The following ROBO2 variants were observed in gnomAD, a reference collection of about 807,000 sequenced individuals.
ROBO2 encodes the protein roundabout homolog 2.
A neutral mutation model predicts 160.8 loss-of-function variants in ROBO2; 53 were observed. The observed-to-expected ratio is 0.33, with a 90% CI of 0.26 to 0.41. The LOEUF (loss-of-function observed/expected upper bound fraction) is 0.41. Among genes scored for constraint, ROBO2 ranks in the 10% least tolerant of loss-of-function variants. The pLI, the probability that ROBO2 is intolerant of heterozygous loss-of-function variation, is 1.00. For synonymous variants in ROBO2, 664 were observed against 611.7 expected, an observed-to-expected ratio of 1.09 and a Z score of -1.26; for missense variants, 1,577 against 1,722.4, an observed-to-expected ratio of 0.92 and a Z score of 1.49.
intron 2 of ROBO2, among the ~76,000 whole-genome samples, chr3:77,261,553 G>C (rs1017284958): frequency 6.6e-6 from 1 of 152,190 alleles, no homozygotes; most frequent in African/African-American, 2.4e-5. Context: ...TTTATATACA[G>C]TATATATTTT....
In ROBO2 at chr3:76,260,162, GGATAA is replaced by G. The variant is rs745757864; in HGVS notation, c.109+322562_109+322566del. Among the ~76,000 whole-genome samples the G allele has an allele frequency of 2.0e-5, 3 of 152,258 alleles. No homozygotes were observed. In the East Asian group the frequency reaches 5.8e-4, roughly 30 times the overall value. ...CAATGCTGGTCCAGGTGAGGAGCAA[GGATAA>G]GTGTATGCGGAATCCCAGTGCTGAT... On this transcript the variant is annotated intron_variant, in intron 2 of 26. Coordinates refer to the ROBO2 transcript ENST00000487694.
At chr3:76,812,409 G>A (rs1027002715) in intron 2 of ROBO2, among the ~76,000 whole-genome samples, 2 of 144,684 alleles carry the variant, frequency 1.4e-5, no homozygotes, top group African/African-American at 5.0e-5. Context: ...ATGAGTATTT[G>A]AGCATCGCAG....
Position 76,161,160 on chromosome 3 carries a change from C to A in ROBO2, c.109+223558C>A, listed in dbSNP as rs755156921. Among the ~76,000 whole-genome samples, 94 of 151,634 alleles carry A rather than the reference C, an allele frequency of 6.2e-4. 1 individual carries two copies. The highest frequency in any genetic ancestry group is 2.4e-4 in the Non-Finnish European group (16 of 67,946). On this transcript the variant is annotated intron_variant, in intron 2 of 26. Coordinates refer to the ROBO2 transcript ENST00000487694. ...ACTAAAGTTACTCCTCATCCTTAAT[C>A]AAGACCACTTAGTTAAAAAAAAAAA...
intron 21 of ROBO2, among the ~76,000 whole-genome samples, chr3:77,611,074 G>A (rs908140756): frequency 5.9e-5 from 9 of 151,920 alleles, no homozygotes; most frequent in South Asian, 2.1e-4. Flanking sequence ...CAAGGTGGGC[G>A]GATCACGAGG....
chr3:77,297,705 C>T (rs1662751699), intron 2 of ROBO2, among the ~76,000 whole-genome samples: 1 of 152,156 alleles, frequency 6.6e-6, no homozygotes, highest in South Asian at 2.1e-4. Context: ...GTCAAGTCCA[C>T]ACAGTTGTAT....
intron 2 of ROBO2, among the ~76,000 whole-genome samples, chr3:77,468,907 C>G (rs1300405391): frequency 3.9e-5 from 6 of 152,228 alleles, no homozygotes; most frequent in South Asian, 2.1e-4. Context: ...ACAGCGGCCC[C>G]CGGATGTCTC....
intron 2 of ROBO2, among the ~76,000 whole-genome samples, chr3:76,319,818 A>G (rs1055157823): frequency 9.9e-5 from 15 of 151,596 alleles, no homozygotes; most frequent in South Asian, 8.3e-4. Flanking sequence ...TGTGATATCT[A>G]TAAGTATCTT....
chr3:77,600,436 C>T (rs910505521), intron 19 of ROBO2, among the ~76,000 whole-genome samples: 1 of 152,100 alleles, frequency 6.6e-6, no homozygotes, highest in Non-Finnish European at 1.5e-5. Context: ...ATTTCCAGAG[C>T]CATAGCATTA....
At chr3:77,114,881 A>G (rs906548313) in intron 2 of ROBO2, among the ~76,000 whole-genome samples, 2 of 152,194 alleles carry the variant, frequency 1.3e-5, no homozygotes, top group Non-Finnish European at 2.9e-5. Flanking sequence ...CCCAAATAGC[A>G]TAATTTTACA....
intron 2 of ROBO2, among the ~76,000 whole-genome samples, chr3:77,440,199 T>A (rs573287531): frequency 1.3e-5 from 2 of 152,290 alleles, no homozygotes; most frequent in South Asian, 4.1e-4. Context: ...TGTCTTTACA[T>A]ATGACACATT....
intron 2 of ROBO2, among the ~76,000 whole-genome samples, chr3:76,376,534 A>C (rs1054794326): frequency 6.6e-6 from 1 of 152,162 alleles, no homozygotes. Flanking sequence ...TGAAAATCCA[A>C]GAATCAGTGG....
At chr3:76,264,301 T>C (rs770472947) in intron 2 of ROBO2, among the ~76,000 whole-genome samples, 4 of 149,982 alleles carry the variant, frequency 2.7e-5, no homozygotes, top group African/African-American at 4.9e-5. Flanking sequence ...TACCCAACAG[T>C]GACTTTTCAA....
chr3:77,562,804 G>A, intron 10 of ROBO2, 72 bp downstream of exon 11: 1 of 1,091,112 alleles, frequency 9.2e-7, no homozygotes, highest in East Asian at 2.4e-5. Flanking sequence ...AATAAGTTAA[G>A]GGGGGATCAA....
intron 2 of ROBO2, among the ~76,000 whole-genome samples, chr3:76,085,102 C>CAT (rs67886090): frequency 4.8e-4 from 72 of 148,962 alleles, no homozygotes; most frequent in South Asian, 1.3e-3. Flanking sequence ...CCCCAGTTTA[C>CAT]ATATATATAT....
At chr3:76,802,402 G>T (rs2108866403) in intron 2 of ROBO2, among the ~76,000 whole-genome samples, 1 of 152,202 alleles carries the variant, frequency 6.6e-6, no homozygotes, top group Non-Finnish European at 1.5e-5. Flanking sequence ...CAGCATATTG[G>T]AGATAATGGG....
intron 2 of ROBO2, among the ~76,000 whole-genome samples, chr3:77,011,043 T>TTCTTTC (rs1553726563): frequency 4.1e-5 from 3 of 73,258 alleles, no homozygotes; most frequent in East Asian, 3.2e-4. Context: ...TTTCTTTTCT[T>TTCTTTC]TTCTTTCTTT....
intron 2 of ROBO2, among the ~76,000 whole-genome samples, chr3:76,807,662 T>C (rs868254233): frequency 1.3e-5 from 2 of 152,054 alleles, no homozygotes; most frequent in African/African-American, 4.8e-5. Flanking sequence ...TGAAAAGTGT[T>C]AATATCAAGT....
At chr3:76,243,796 T>C (rs2107525668) in intron 2 of ROBO2, among the ~76,000 whole-genome samples, 1 of 152,364 alleles carries the variant, frequency 6.6e-6, no homozygotes, top group Middle Eastern at 3.4e-3. Flanking sequence ...AATATAATAT[T>C]ATCTTTTCCA....
intron 2 of ROBO2, among the ~76,000 whole-genome samples, chr3:76,254,321 G>C (rs1239395700): frequency 6.6e-6 from 1 of 152,058 alleles, no homozygotes; most frequent in Non-Finnish European, 1.5e-5. Context: ...ACTATTAATT[G>C]TCACTAAATA....
Sources: allele counts gnomAD v4.1 joint callset (sites outside exome capture counted in the v4.1 genomes callset), GRCh38; gene constraint gnomAD v4.1.1; transcripts MANE v1.5; gene names NCBI Gene and HGNC (gene_info 2026-07-23, HGNC 2026-07-21).